The following RHBDD1 variants were observed in gnomAD, a reference collection of about 807,000 sequenced individuals.
RHBDD1 encodes the protein rhomboid domain containing 1.
A neutral mutation model predicts 36.3 loss-of-function variants in RHBDD1; 38 were observed. That is an observed-to-expected ratio of 1.05 (90% CI 0.81 to 1.37). The LOEUF is 1.37. RHBDD1 is among the 40% of genes most tolerant of loss of function. The probability of loss-of-function intolerance (pLI) is 0.00; values close to 1 mark genes in which losing one functional copy is unlikely to be tolerated. For synonymous variants in RHBDD1, 151 were observed against 136.5 expected, an observed-to-expected ratio of 1.11 and a Z score of -0.74; for missense variants, 393 against 377.6, an observed-to-expected ratio of 1.04 and a Z score of -0.34.
intron 5 of RHBDD1, among the ~76,000 whole-genome samples, chr2:226,904,561 G>A (rs1245199976): frequency 1.3e-5 from 2 of 152,292 alleles, no homozygotes; most frequent in South Asian, 2.1e-4. Context: ...CTTTTAGCAC[G>A]TGTGCATGTA....
chr2:226,863,352 A>ACATT (rs1249516749), intron 3 of RHBDD1, among the ~76,000 whole-genome samples: 3 of 152,192 alleles, frequency 2.0e-5, no homozygotes, highest in African/African-American at 7.2e-5. Flanking sequence ...ATAAATAAAT[A>ACATT]CATTCATTCA....
intron 8 of RHBDD1, among the ~76,000 whole-genome samples, chr2:226,982,318 G>A (rs1223698386): frequency 6.6e-6 from 1 of 152,204 alleles, no homozygotes; most frequent in African/African-American, 2.4e-5. Context: ...TAAGGGCTTT[G>A]GACCACTGTG....
At chr2:226,849,934 A>G (rs867466314) in intron 3 of RHBDD1, among the ~76,000 whole-genome samples, 2 of 152,150 alleles carry the variant, frequency 1.3e-5, no homozygotes, top group African/African-American at 4.8e-5. Context: ...ACATCTTGCC[A>G]TTCCTGTCTT....
intron 5 of RHBDD1, among the ~76,000 whole-genome samples, chr2:226,904,720 A>C (rs933308782): frequency 3.3e-5 from 5 of 152,168 alleles, no homozygotes; most frequent in Non-Finnish European, 7.3e-5. Flanking sequence ...GAGTCTTTTC[A>C]TAGCTTGGAG....
intron 8 of RHBDD1, among the ~76,000 whole-genome samples, chr2:226,977,255 T>C (rs553594976): frequency 4.0e-4 from 61 of 152,296 alleles, no homozygotes; most frequent in African/African-American, 1.4e-3. Context: ...CCCTTTAGTT[T>C]TGCATTTAAC....
intron 8 of RHBDD1, among the ~76,000 whole-genome samples, chr2:226,982,608 C>T (rs1956025539): frequency 1.3e-5 from 2 of 152,160 alleles, no homozygotes; most frequent in African/African-American, 4.8e-5. Flanking sequence ...ATTTCATAGA[C>T]AAAACAAATA....
At chr2:226,818,269 C>G in the RHBDD1 span, among the ~76,000 whole-genome samples, 2 of 149,058 alleles carry the variant, frequency 1.3e-5, no homozygotes, top group Non-Finnish European at 3.0e-5. Flanking sequence ...ACACCATTCT[C>G]CTGCCTCAGC....
chr2:226,904,525 T>C (rs1947883082), intron 5 of RHBDD1, among the ~76,000 whole-genome samples: 1 of 151,992 alleles, frequency 6.6e-6, no homozygotes, highest in Non-Finnish European at 1.5e-5. Context: ...TCTGTGTGTG[T>C]GTGCACGCGC....
chr2:226,820,594 G>A, the RHBDD1 span, among the ~76,000 whole-genome samples: 1 of 146,146 alleles, frequency 6.8e-6, no homozygotes, highest in Admixed American at 7.0e-5. Context: ...GATCACTTGA[G>A]GCCAGGAGTT....
At chr2:226,875,320 G>A (rs1362473915) in intron 5 of RHBDD1, among the ~76,000 whole-genome samples, 1 of 152,150 alleles carries the variant, frequency 6.6e-6, no homozygotes, top group African/African-American at 2.4e-5. Flanking sequence ...TTGTAAGGTG[G>A]ACTGATATCT....
chr2:226,854,131 A>G (rs376740101), intron 3 of RHBDD1, among the ~76,000 whole-genome samples: 1 of 152,174 alleles, frequency 6.6e-6, no homozygotes, highest in African/African-American at 2.4e-5. Flanking sequence ...TGATCAGATG[A>G]TGTTGATAAA....
chr2:226,954,607 A>C (rs1168778864), intron 8 of RHBDD1, among the ~76,000 whole-genome samples: 1 of 152,104 alleles, frequency 6.6e-6, no homozygotes, highest in Non-Finnish European at 1.5e-5. Context: ...ACCAACCAAA[A>C]ATAAAGAAAA....
chr2:226,946,119 G>GT (rs926077773), intron 8 of RHBDD1, among the ~76,000 whole-genome samples: 17 of 151,774 alleles, frequency 1.1e-4, no homozygotes, highest in South Asian at 4.2e-4. Flanking sequence ...TCTGATGATA[G>GT]TTTTTTTTGC....
chr2:226,857,477 A>G (rs927545515), intron 3 of RHBDD1, among the ~76,000 whole-genome samples: 1 of 152,232 alleles, frequency 6.6e-6, no homozygotes, highest in Non-Finnish European at 1.5e-5. Flanking sequence ...TAAAAATTGT[A>G]CATGAATGTT....
At chr2:226,927,187 A>G (rs1417668297) in intron 8 of RHBDD1, among the ~76,000 whole-genome samples, 2 of 152,138 alleles carry the variant, frequency 1.3e-5, no homozygotes, top group African/African-American at 4.8e-5. Context: ...TGTCATATAA[A>G]TGAAATCACA....
intron 8 of RHBDD1, among the ~76,000 whole-genome samples, chr2:226,977,567 G>A (rs977903422): frequency 1.1e-4 from 17 of 152,168 alleles, no homozygotes; most frequent in African/African-American, 3.6e-4. Flanking sequence ...ATGGTGAACC[G>A]TGAAACACCA....
At chr2:226,953,276 A>G (rs1319173404) in intron 8 of RHBDD1, among the ~76,000 whole-genome samples, 1 of 152,344 alleles carries the variant, frequency 6.6e-6, no homozygotes, top group East Asian at 1.9e-4. Context: ...AGCACCAGTT[A>G]GAGACGATTA....
intron 8 of RHBDD1, among the ~76,000 whole-genome samples, chr2:226,970,463 T>G (rs1433337705): frequency 6.6e-6 from 1 of 152,184 alleles, no homozygotes; most frequent in East Asian, 1.9e-4. Context: ...TATCTGTACA[T>G]GAAGCATCCT....
chr2:226,895,775 G>T (rs776274428), intron 5 of RHBDD1: 7 of 985,406 alleles, frequency 7.1e-6, no homozygotes, highest in Non-Finnish European at 8.4e-6. Context: ...GTGCCAAATG[G>T]AGGAAGGTGT....
Sources: gnomAD v4.1 joint callset for allele counts (sites outside exome capture counted in the v4.1 genomes callset) on GRCh38, gnomAD v4.1.1 for gene constraint, MANE v1.5 for transcripts, NCBI Gene and HGNC (gene_info 2026-07-23, HGNC 2026-07-21) for gene names.